The following CIP2A variants were observed in gnomAD, a reference collection of about 807,000 sequenced individuals.
CIP2A encodes cellular inhibitor of PP2A.
CIP2A carries 103 observed loss-of-function variants against 110.9 expected under a neutral mutation model. That is an observed-to-expected ratio of 0.93 (90% CI 0.79 to 1.09). The LOEUF is 1.09. CIP2A is among the 50% of genes least tolerant of loss of function. CIP2A has a pLI of 0.00. For missense variants in CIP2A, 1,088 were observed against 1,038.4 expected (o/e 1.05, Z -0.66); for synonymous variants, 381 against 361.6 (o/e 1.05, Z -0.61).
At chr3:108,582,826 TG>T (rs1938924861) in intron 3 of CIP2A, 150 bp downstream of exon 3, 1 of 423,200 alleles carries the variant, frequency 2.4e-6, no homozygotes, top group African/African-American at 2.1e-5. Flanking sequence ...ATTGTATGTG[TG>T]CAACCAGCTT....
chr3:108,575,060 G>C (rs78874930), intron 8 of CIP2A: 2,496 of 152,208 alleles, frequency 0.016, 33 homozygotes, highest in Non-Finnish European at 0.027. Context: ...CACTACATTC[G>C]TGAGGGTGTT....
intron 19 of CIP2A, among the ~76,000 whole-genome samples, chr3:108,553,121 GTTTTTTTTTTTTTTT>G (rs768832281): frequency 2.1e-3 from 138 of 67,182 alleles, no homozygotes; most frequent in African/African-American, 7.5e-3. Context: ...CTTTCCTTTT[GTTTTTTTTTTTTTTT>G]TTTTTTTTTT....
chr3:108,565,372 A>C lies in CIP2A; in HGVS notation c.1498T>G (p.Phe500Val). 1.3e-6 allele frequency: 2 copies of C among 1,582,690 alleles called. No homozygotes were observed. Among genetic ancestry groups the C allele is most frequent in the African/African-American group, 1.4e-5 (1 of 73,908 alleles). ...KPLVPGMEVS[F>V]YKILQDPRLI... ...AAACTCACCTGAAGTATTTTGTAGA[A>C]GCTTACTTCCATACCAGGAACCAAT... The change falls in exon 12 of 21, where the codon TTC becomes GTC. Residue 500 changes from phenylalanine to valine, a missense_variant. Coordinates refer to ENST00000295746, the MANE Select transcript of CIP2A (RefSeq NM_020890.3).
chr3:108,573,869 G>A (rs1170930104), intron 8 of CIP2A, among the ~76,000 whole-genome samples: 1 of 151,970 alleles, frequency 6.6e-6, no homozygotes, highest in Non-Finnish European at 1.5e-5. Context: ...GTAAGGTAAA[G>A]GCTGACCTGG....
chr3:108,570,166 A>T (rs1938337617), intron 8 of CIP2A, among the ~76,000 whole-genome samples: 2 of 151,990 alleles, frequency 1.3e-5, no homozygotes, highest in Non-Finnish European at 2.9e-5. Flanking sequence ...CAACCAGTTT[A>T]TTAGATGTTA....
rs577182237 is a variant in CIP2A at position 108,560,323 on chromosome 3, CA to C, written c.1828-296del. ...AGTAGCTGAGACAACAGGCATGAGC[CA>C]ACACGTCCAGCTAATTTTTTGTATT... On this transcript the variant is annotated intron_variant, in intron 14 of 20. Transcript: ENST00000295746. Among the ~76,000 whole-genome samples the C allele has an allele frequency of 7.9e-5, 12 of 152,104 alleles. No homozygotes were observed. The South Asian group carries it at 2.5e-3, about 32-fold the overall frequency.
At chr3:108,556,648 C>G (rs1044467893) in intron 17 of CIP2A, among the ~76,000 whole-genome samples, 1 of 152,148 alleles carries the variant, frequency 6.6e-6, no homozygotes, top group Admixed American at 6.6e-5. Context: ...TACCCTTTAA[C>G]TTAGCAATTC....
chr3:108,584,508 G>A (rs1264731074), intron 2 of CIP2A, among the ~76,000 whole-genome samples: 2 of 152,052 alleles, frequency 1.3e-5, no homozygotes, highest in Non-Finnish European at 2.9e-5. Flanking sequence ...GCCTTCATGT[G>A]GCTATTTCAA....
chr3:108,561,677 A>C (rs1938011529), intron 13 of CIP2A, among the ~76,000 whole-genome samples: 2 of 152,170 alleles, frequency 1.3e-5, no homozygotes, highest in Non-Finnish European at 2.9e-5. Flanking sequence ...TCGAAAACAA[A>C]CAAGTAAATA....
At chr3:108,560,321 G>A (rs1937956749) in intron 14 of CIP2A, among the ~76,000 whole-genome samples, 1 of 152,060 alleles carries the variant, frequency 6.6e-6, no homozygotes, top group Non-Finnish European at 1.5e-5. Flanking sequence ...ACAGGCATGA[G>A]CCAACACGTC....
In CIP2A at chr3:108,569,177, T is replaced by TATATATATATATATATATATATAC. The variant is rs374983042; in HGVS notation, c.1113+211_1113+212insGTATATATATATATATATATATAT. On this transcript the variant is annotated intron_variant, in intron 9 of 20. Coordinates refer to ENST00000295746, the MANE Select transcript of CIP2A (RefSeq NM_020890.3). ...TACACTGAAATGAGCACTATATATA[T>TATATATATATATATATATATATAC]ATATACATACACACTACTCAGTGAA... 3.3e-4 allele frequency among the ~76,000 whole-genome samples: 23 copies of TATATATATATATATATATATATAC among 69,032 alleles called. 1 individual carries two copies. The highest frequency in any genetic ancestry group is 8.7e-4 in the African/African-American group (19 of 21,810). The allele number at this position is 69,032 out of a possible 152,430, so 45.3% of individuals were successfully genotyped here.
chr3:108,555,769 CA>C (rs1482644874), intron 17 of CIP2A, among the ~76,000 whole-genome samples: 1 of 152,212 alleles, frequency 6.6e-6, no homozygotes, highest in East Asian at 1.9e-4. Flanking sequence ...CCCTGCTTCA[CA>C]ATATCCTGTC....
rs538366769 is a variant in CIP2A, at chr3:108,576,231, G to A, written c.894+40C>T. Reference sequence around the variant, plus strand: ...TTTTTAAAAGTTTCGGCATTTTGCAGTTTTTAAAAGTTTAAATGAAAAGTC... The same window carrying A: ...TTTTTAAAAGTTTCGGCATTTTGCAATTTTTAAAAGTTTAAATGAAAAGTC... On this transcript the variant is annotated intron_variant, in intron 8 of 20. Coordinates refer to ENST00000295746, the MANE Select transcript of CIP2A (RefSeq NM_020890.3). 1.4e-4 allele frequency: 189 copies of A among 1,323,212 alleles called. 4 individuals carry two copies. The South Asian group carries it at 2.5e-3, about 17-fold the overall frequency. 82.0% of individuals were successfully genotyped at this position (1,323,212 alleles called of 1,614,324 possible). A position where few individuals can be genotyped will look rare whatever the true frequency, so the allele number is the denominator to read the frequency against.
chr3:108,558,974 G>T (rs1171319726), intron 16 of CIP2A, among the ~76,000 whole-genome samples: 1 of 152,134 alleles, frequency 6.6e-6, no homozygotes, highest in Non-Finnish European at 1.5e-5. Flanking sequence ...GCACAAGAGG[G>T]ACAGGATCAT....
intron 13 of CIP2A, among the ~76,000 whole-genome samples, chr3:108,561,914 T>C (rs1047273837): frequency 2.6e-5 from 4 of 152,242 alleles, no homozygotes; most frequent in East Asian, 1.9e-4. Context: ...AAGACTTCCA[T>C]GTTCAGTGAG....
At chr3:108,581,300 A>T in intron 5 of CIP2A, 115 bp downstream of exon 5, 2 of 723,090 alleles carry the variant, frequency 2.8e-6, no homozygotes, top group Non-Finnish European at 4.6e-6. Flanking sequence ...GGGTCATCCG[A>T]TAAGACACAG....
At chr3:108,572,286 C>T (rs1374102131) in intron 8 of CIP2A, among the ~76,000 whole-genome samples, 1 of 151,964 alleles carries the variant, frequency 6.6e-6, no homozygotes, top group African/African-American at 2.4e-5. Context: ...CATGAAGATA[C>T]TCTTTAGGTG....
At chr3:108,554,349 T>C in intron 18 of CIP2A, 27 bp downstream of exon 18, 1 of 927,468 alleles carries the variant, frequency 1.1e-6, no homozygotes, top group Non-Finnish European at 1.7e-6. Context: ...ATCCCACATA[T>C]TCAGAATATA....
chr3:108,575,427 TACATAC>T (rs1207533857), intron 8 of CIP2A, among the ~76,000 whole-genome samples: 3 of 141,912 alleles, frequency 2.1e-5, no homozygotes, highest in Admixed American at 7.3e-5. Context: ...TATACATGTA[TACATAC>T]ACATACATAT....
Sources: gnomAD v4.1 joint callset for allele counts (sites outside exome capture counted in the v4.1 genomes callset) on GRCh38, gnomAD v4.1.1 for gene constraint, MANE v1.5 for transcripts, NCBI Gene and HGNC (gene_info 2026-07-23, HGNC 2026-07-21) for gene names.